Variants in NKAIN2 observed in about 807,000 individuals in gnomAD.
The protein encoded by NKAIN2 is sodium/potassium transporting ATPase interacting 2, also known as sodium/potassium-transporting ATPase subunit beta-1-interacting protein 2.
Under a neutral mutation model 32.6 loss-of-function variants are expected in NKAIN2, and 14 were observed. The ratio of observed to expected loss-of-function variants is 0.43; its 90% CI spans 0.28 to 0.67. The LOEUF is 0.67. Ranked by LOEUF, NKAIN2 falls within the 30% of genes least tolerant of loss-of-function variation. The pLI, the probability that NKAIN2 is intolerant of heterozygous loss-of-function variation, is 0.17. For synonymous variants in NKAIN2, 80 were observed against 87.2 expected, an observed-to-expected ratio of 0.92 and a Z score of 0.46; for missense variants, 198 against 258.3, an observed-to-expected ratio of 0.77 and a Z score of 1.60.
At chr6:123,979,476 A>C (rs369673551) in intron 1 of NKAIN2, among the ~76,000 whole-genome samples, 19 of 152,248 alleles carry the variant, frequency 1.2e-4, no homozygotes, top group Admixed American at 5.2e-4. Context: ...GGACAATTTC[A>C]GTTCCATTAG....
chr6:124,232,158 A>T lies in NKAIN2; in HGVS notation c.55-50847A>T, dbSNP rs1224717242. 4.6e-5 allele frequency among the ~76,000 whole-genome samples: 7 copies of T among 152,250 alleles called. No homozygotes were observed. The South Asian group carries it at 1.5e-3, about 32-fold the overall frequency. ...ATCACTAGGCATGCCAACCACGGGGATTCTAATTTCCCAGCCTTTTCTAAG... is the reference window on the plus strand; with the variant it reads ...ATCACTAGGCATGCCAACCACGGGGTTTCTAATTTCCCAGCCTTTTCTAAG... On this transcript the variant is annotated intron_variant, in intron 1 of 6. Coordinates refer to ENST00000368417, the MANE Select transcript of NKAIN2 (RefSeq NM_001040214.3).
intron 3 of NKAIN2, among the ~76,000 whole-genome samples, chr6:124,455,587 C>G (rs1015400759): frequency 6.6e-6 from 1 of 151,762 alleles, no homozygotes; most frequent in Non-Finnish European, 1.5e-5. Context: ...CCTTTTTAGT[C>G]TCTTTGGTTT....
chr6:124,762,392 C>G (rs985680042), intron 4 of NKAIN2, among the ~76,000 whole-genome samples: 1 of 152,122 alleles, frequency 6.6e-6, no homozygotes, highest in African/African-American at 2.4e-5. Flanking sequence ...GGACACACCT[C>G]TAAATATAGT....
chr6:123,981,338 G>GA (rs369059002), intron 1 of NKAIN2, among the ~76,000 whole-genome samples: 34 of 150,576 alleles, frequency 2.3e-4, no homozygotes, highest in East Asian at 1.8e-3. Flanking sequence ...ACCAGTGCTG[G>GA]AAAAAAAAAG....
intron 1 of NKAIN2, among the ~76,000 whole-genome samples, chr6:123,919,306 T>C (rs1775637857): frequency 6.6e-6 from 1 of 152,024 alleles, no homozygotes; most frequent in African/African-American, 2.4e-5. Flanking sequence ...TTGAGAAAAG[T>C]TTAGAGCTGT....
intron 1 of NKAIN2, among the ~76,000 whole-genome samples, chr6:124,023,119 A>G (rs1780948714): frequency 6.6e-6 from 1 of 151,408 alleles, no homozygotes; most frequent in Non-Finnish European, 1.5e-5. Context: ...ATTTCTTTTT[A>G]TCAGTAAAGC....
chr6:124,232,422 G>A (rs143198204), intron 1 of NKAIN2, among the ~76,000 whole-genome samples: 105 of 152,258 alleles, frequency 6.9e-4, no homozygotes, highest in African/African-American at 2.4e-3. Context: ...AGATCATGAT[G>A]AGCCTACATG....
At chr6:124,329,055 T>C (rs989946822) in intron 2 of NKAIN2, among the ~76,000 whole-genome samples, 1 of 152,208 alleles carries the variant, frequency 6.6e-6, no homozygotes, top group African/African-American at 2.4e-5. Context: ...CAGATGGTTG[T>C]GAGAAAACTG....
intron 4 of NKAIN2, among the ~76,000 whole-genome samples, chr6:124,761,519 A>G (rs1778265434): frequency 6.6e-6 from 1 of 152,138 alleles, no homozygotes. Context: ...TTTTCTCCAG[A>G]TTGCATAATA....
At chr6:124,710,414 A>G (rs1442598507) in intron 4 of NKAIN2, among the ~76,000 whole-genome samples, 2 of 150,518 alleles carry the variant, frequency 1.3e-5, no homozygotes, top group Non-Finnish European at 3.0e-5. Context: ...TGATCTGTCT[A>G]ATGTTGACAG....
chr6:124,058,681 G>A (rs1361906314), intron 1 of NKAIN2, among the ~76,000 whole-genome samples: 1 of 152,072 alleles, frequency 6.6e-6, no homozygotes, highest in Non-Finnish European at 1.5e-5. Flanking sequence ...TTTTTTGTAT[G>A]ACCCTTGAGC....
chr6:123,992,785 G>T (rs556141745), intron 1 of NKAIN2, among the ~76,000 whole-genome samples: 39 of 152,188 alleles, frequency 2.6e-4, no homozygotes, highest in Non-Finnish European at 2.5e-4. Context: ...CTTTATTAGT[G>T]GGAGTTAAGT....
chr6:124,548,181 AATC>A (rs1273946914), intron 3 of NKAIN2, among the ~76,000 whole-genome samples: 4 of 152,174 alleles, frequency 2.6e-5, no homozygotes, highest in African/African-American at 4.8e-5. Flanking sequence ...TATATCTGTA[AATC>A]ATCACTTGAG....
At chr6:124,387,432 A>G (rs1201119578) in intron 3 of NKAIN2, among the ~76,000 whole-genome samples, 1 of 152,130 alleles carries the variant, frequency 6.6e-6, no homozygotes, top group Non-Finnish European at 1.5e-5. Context: ...TAAACAAAGC[A>G]TCAGACTCAA....
At chr6:124,012,165 C>G (rs9320973) in intron 1 of NKAIN2, among the ~76,000 whole-genome samples, 13,174 of 151,770 alleles carry the variant, frequency 0.087, 850 homozygotes, top group East Asian at 0.18. Context: ...AAATACCCAT[C>G]ACCCCCAAAT....
intron 1 of NKAIN2, among the ~76,000 whole-genome samples, chr6:123,924,385 G>A (rs1287072814): frequency 6.6e-6 from 1 of 152,172 alleles, no homozygotes; most frequent in Non-Finnish European, 1.5e-5. Flanking sequence ...CACGATTTGT[G>A]TGACTTTAAA....
At chr6:124,093,594 T>G (rs1784521634) in intron 1 of NKAIN2, among the ~76,000 whole-genome samples, 1 of 152,152 alleles carries the variant, frequency 6.6e-6, no homozygotes, top group African/African-American at 2.4e-5. Flanking sequence ...CTTATTTCAC[T>G]AAGATTTAGA....
At chr6:124,070,440 T>A (rs1486629672) in intron 1 of NKAIN2, among the ~76,000 whole-genome samples, 1 of 152,190 alleles carries the variant, frequency 6.6e-6, no homozygotes, top group Non-Finnish European at 1.5e-5. Flanking sequence ...TATACTTGGA[T>A]AGAAACATTA....
At chr6:123,867,451 G>A (rs1279114923) in intron 1 of NKAIN2, among the ~76,000 whole-genome samples, 3 of 152,190 alleles carry the variant, frequency 2.0e-5, no homozygotes, top group Non-Finnish European at 4.4e-5. Context: ...TCTAAATTCT[G>A]TATGAATTGC....
Sources: gnomAD v4.1 joint callset for allele counts (sites outside exome capture counted in the v4.1 genomes callset) on GRCh38, gnomAD v4.1.1 for gene constraint, MANE v1.5 for transcripts, NCBI Gene and HGNC (gene_info 2026-07-23, HGNC 2026-07-21) for gene names.